SLC24A2: variants seen among roughly 807,000 people sequenced by gnomAD.
The protein encoded by SLC24A2 is sodium/potassium/calcium exchanger 2.
Under a neutral mutation model 62.0 loss-of-function variants are expected in SLC24A2, and 36 were observed. The ratio of observed to expected loss-of-function variants is 0.58; its 90% CI spans 0.44 to 0.77. SLC24A2 has a LOEUF of 0.77. SLC24A2 is among the 30% of genes least tolerant of loss of function. The pLI is 0.00. For missense variants in SLC24A2, 846 were observed against 817.9 expected, an observed-to-expected ratio of 1.03 and a Z score of -0.42; for synonymous variants, 358 against 294.0, an observed-to-expected ratio of 1.22 and a Z score of -2.23.
chr9:19,658,533 A>G (rs932084864), intron 2 of SLC24A2, among the ~76,000 whole-genome samples: 1 of 152,220 alleles, frequency 6.6e-6, no homozygotes, highest in African/African-American at 2.4e-5. Context: ...AGGCACTGCT[A>G]TTATCCCCAG....
chr9:19,524,548 G>A (rs1430054905), intron 9 of SLC24A2, among the ~76,000 whole-genome samples: 1 of 151,988 alleles, frequency 6.6e-6, no homozygotes, highest in Non-Finnish European at 1.5e-5. Flanking sequence ...CAAAAGAGTT[G>A]AACACTATAT....
chr9:19,757,867 C>A (rs191192925), intron 2 of SLC24A2, among the ~76,000 whole-genome samples: 208 of 152,156 alleles, frequency 1.4e-3, no homozygotes, highest in African/African-American at 4.9e-3. Flanking sequence ...TGTATTATTA[C>A]TCTTGAGAAT....
intron 2 of SLC24A2, among the ~76,000 whole-genome samples, chr9:19,775,356 A>T (rs988050219): frequency 4.6e-5 from 7 of 152,246 alleles, no homozygotes; most frequent in African/African-American, 1.7e-4. Flanking sequence ...GGAACCAAGA[A>T]TGACTGGAGG....
At chr9:20,177,096 G>C in the SLC24A2 span, among the ~76,000 whole-genome samples, 2 of 152,040 alleles carry the variant, frequency 1.3e-5, no homozygotes, top group African/African-American at 4.8e-5. Flanking sequence ...GCAAATATTA[G>C]ATTGGCTGAC....
intron 2 of SLC24A2, among the ~76,000 whole-genome samples, chr9:19,629,451 G>T (rs1420334030): frequency 6.6e-6 from 1 of 152,194 alleles, no homozygotes; most frequent in Non-Finnish European, 1.5e-5. Context: ...TGGGAGTAGA[G>T]AAAGTTACAG....
the SLC24A2 span, among the ~76,000 whole-genome samples, chr9:19,956,018 C>T: frequency 6.6e-6 from 1 of 152,216 alleles, no homozygotes; most frequent in African/African-American, 2.4e-5. Context: ...ATTTCTCCAA[C>T]AGCACTAGCC....
At chr9:20,158,374 G>A in the SLC24A2 span, among the ~76,000 whole-genome samples, 2 of 151,632 alleles carry the variant, frequency 1.3e-5, no homozygotes, top group South Asian at 2.1e-4. Context: ...AGGTGATTAG[G>A]TCAGGAGGGG....
intron 2 of SLC24A2, among the ~76,000 whole-genome samples, chr9:19,737,530 T>C (rs924457567): frequency 5.3e-5 from 8 of 152,202 alleles, no homozygotes; most frequent in African/African-American, 1.9e-4. Context: ...CAATAAGATA[T>C]CCATATAATC....
chr9:20,251,031 C>T, the SLC24A2 span, among the ~76,000 whole-genome samples: 1 of 152,198 alleles, frequency 6.6e-6, no homozygotes, highest in Non-Finnish European at 1.5e-5. Context: ...TCGCTTCCTC[C>T]AGACAGAGGG....
Position 19,531,137 on chromosome 9 carries a change from G to A in SLC24A2, c.1480-2999C>T, listed in dbSNP as rs1833688791. Among the ~76,000 whole-genome samples the A allele has an allele frequency of 4.6e-5, 7 of 152,220 alleles. No individual in the cohort carries two copies. In the South Asian group the frequency reaches 1.2e-3, roughly 27 times the overall value. ...CAACCTCCCATGTTGTTCCTGCTTT[G>A]GAAGTATCAACGTTTCATTCATCAG... On this transcript the variant is annotated intron_variant, in intron 8 of 10. Transcript: ENST00000341998.
the SLC24A2 span, among the ~76,000 whole-genome samples, chr9:20,223,412 G>A: frequency 1.1e-4 from 16 of 152,094 alleles, no homozygotes; most frequent in Non-Finnish European, 1.8e-4. Flanking sequence ...ATCAATTGAG[G>A]CCAGTAGTTC....
At chr9:19,534,647 T>A (rs540802386) in intron 8 of SLC24A2, among the ~76,000 whole-genome samples, 1 of 152,172 alleles carries the variant, frequency 6.6e-6, no homozygotes, top group Admixed American at 6.5e-5. Flanking sequence ...CTGACAATGA[T>A]AGTTTCCAGC....
the SLC24A2 span, among the ~76,000 whole-genome samples, chr9:20,113,659 TC>T: frequency 6.6e-6 from 1 of 152,198 alleles, no homozygotes; most frequent in East Asian, 1.9e-4. Context: ...TCATTTTTTT[TC>T]TCTGAACACG....
chr9:19,857,651 A>G, the SLC24A2 span, among the ~76,000 whole-genome samples: 1 of 152,142 alleles, frequency 6.6e-6, no homozygotes, highest in East Asian at 1.9e-4. Flanking sequence ...TATTAATTTA[A>G]TTTTCAGATT....
the SLC24A2 span, among the ~76,000 whole-genome samples, chr9:20,177,782 G>A: frequency 4.6e-5 from 7 of 152,162 alleles, no homozygotes; most frequent in South Asian, 1.5e-3. Context: ...ACCACATACA[G>A]TATACTATTA....
intron 2 of SLC24A2, among the ~76,000 whole-genome samples, chr9:19,634,563 T>C (rs771715998): frequency 9.7e-4 from 147 of 152,286 alleles, no homozygotes; most frequent in Non-Finnish European, 1.9e-3. Flanking sequence ...GCCGGGATTA[T>C]AGGCCTGAAC....
chr9:20,099,202 G>A, the SLC24A2 span, among the ~76,000 whole-genome samples: 2 of 152,152 alleles, frequency 1.3e-5, 1 homozygote, highest in Non-Finnish European at 2.9e-5. Context: ...TGAAAGAAAT[G>A]GTTGACAATG....
chr9:19,513,244 G>C lies in SLC24A2; in HGVS notation c.*2909C>G, dbSNP rs904042810. ...GGCATGCAGGAAACGAGTTAGAGAT[G>C]ACCTGTTTTGGAAACCACGGTGTGG... On this transcript the variant is annotated 3_prime_UTR_variant, in exon 11 of 11. Coordinates refer to ENST00000341998, the MANE Select transcript of SLC24A2 (RefSeq NM_020344.4). 2.0e-5 allele frequency: 3 copies of C among 147,804 alleles called. No homozygotes were observed. 9.2% of individuals were successfully genotyped at this position (147,804 alleles called of 1,614,324 possible).
chr9:19,676,290 C>T (rs1819558237), intron 2 of SLC24A2, among the ~76,000 whole-genome samples: 1 of 152,204 alleles, frequency 6.6e-6, no homozygotes, highest in African/African-American at 2.4e-5. Context: ...TCTTGGCTTT[C>T]CTGGTATGTT....
Sources: allele counts gnomAD v4.1 joint callset (sites outside exome capture counted in the v4.1 genomes callset), GRCh38; gene constraint gnomAD v4.1.1; transcripts MANE v1.5; gene names NCBI Gene and HGNC (gene_info 2026-07-23, HGNC 2026-07-21).